The following DYM variants were observed in gnomAD, a reference collection of about 807,000 sequenced individuals.
DYM encodes the protein dymeclin.
In DYM, 78 loss-of-function variants were observed where a neutral mutation model predicts 93.1. The ratio of observed to expected loss-of-function variants is 0.84; its 90% confidence interval spans 0.70 to 1.01. The LOEUF (loss-of-function observed/expected upper bound fraction) is 1.01. DYM is among the 50% of genes least tolerant of loss of function. The pLI is 0.00. For synonymous variants in DYM, 321 were observed against 319.7 expected (o/e 1.00, Z -0.04); for missense variants, 789 against 845.0 (o/e 0.93, Z 0.82).
At chr18:49,395,436 C>T (rs1029788233) in intron 2 of DYM, among the ~76,000 whole-genome samples, 1 of 151,996 alleles carries the variant, frequency 6.6e-6, no homozygotes, top group Non-Finnish European at 1.5e-5. Flanking sequence ...TCAAGACCAG[C>T]CTGACCAACA....
At chr18:49,372,914 T>C (rs1256605578) in intron 5 of DYM, among the ~76,000 whole-genome samples, 1 of 152,084 alleles carries the variant, frequency 6.6e-6, no homozygotes, top group East Asian at 1.9e-4. Flanking sequence ...GATAACCATC[T>C]TGATAAAGTG....
chr18:49,151,513 C>T (rs919145395), intron 15 of DYM, among the ~76,000 whole-genome samples: 1 of 152,086 alleles, frequency 6.6e-6, no homozygotes, highest in Non-Finnish European at 1.5e-5. Flanking sequence ...TAATAAGATA[C>T]CAGCTTAAAA....
intron 17 of DYM, among the ~76,000 whole-genome samples, chr18:49,087,624 G>A (rs903636992): frequency 2.0e-5 from 3 of 152,174 alleles, no homozygotes; most frequent in Non-Finnish European, 2.9e-5. Flanking sequence ...AATGCTTTGG[G>A]TATATACCCA....
At chr18:49,454,862 C>T (rs917794655) in intron 1 of DYM, among the ~76,000 whole-genome samples, 8 of 146,534 alleles carry the variant, frequency 5.5e-5, no homozygotes, top group African/African-American at 1.8e-4. Context: ...GAGCCGAGAT[C>T]GCGCCACTGC....
At chr18:49,101,943 G>A (rs1055817113) in intron 16 of DYM, among the ~76,000 whole-genome samples, 10 of 152,176 alleles carry the variant, frequency 6.6e-5, no homozygotes, top group Non-Finnish European at 1.5e-4. Flanking sequence ...GCTTACATTT[G>A]AGTCTTGCCT....
chr18:49,100,962 T>C (rs1372839822), intron 16 of DYM, among the ~76,000 whole-genome samples: 1 of 152,240 alleles, frequency 6.6e-6, no homozygotes, highest in Admixed American at 6.5e-5. Context: ...GTGTAAGTTG[T>C]TCAGCCAAAC....
intron 11 of DYM, among the ~76,000 whole-genome samples, chr18:49,267,174 A>G (rs1285763482): frequency 1.3e-5 from 2 of 150,596 alleles, no homozygotes; most frequent in Non-Finnish European, 3.0e-5. Flanking sequence ...CTCTATGGCT[A>G]GTACAGACAT....
In DYM at chr18:49,044,034, G is replaced by A. The variant is rs200735042; in HGVS notation, c.*21C>T. 1.3e-4 allele frequency: 216 copies of A among 1,612,470 alleles called. 3 individuals are homozygous for A. The South Asian group carries it at 1.6e-3, about 12-fold the overall frequency. On this transcript the variant is annotated 3_prime_UTR_variant, in exon 18 of 18. Transcript: ENST00000675505. ...AAGGGCTGCTTGGCTGGAGGGGTCC[G>A]GGTGGGAGAGCATCCTGCCCTCAGT...
chr18:49,115,767 C>T (rs1288193630), intron 16 of DYM, among the ~76,000 whole-genome samples: 1 of 152,146 alleles, frequency 6.6e-6, no homozygotes, highest in East Asian at 1.9e-4. Context: ...TATTACAGTG[C>T]CCATTCTTGG....
At chr18:49,148,309 T>C (rs2085396202) in intron 15 of DYM, among the ~76,000 whole-genome samples, 1 of 151,926 alleles carries the variant, frequency 6.6e-6, no homozygotes, top group African/African-American at 2.4e-5. Context: ...AACCTGCATG[T>C]TGTGCACATG....
chr18:49,252,705 A>G (rs2094316241), intron 13 of DYM, among the ~76,000 whole-genome samples: 1 of 152,218 alleles, frequency 6.6e-6, no homozygotes, highest in South Asian at 2.1e-4. Context: ...ACTAGAGAAA[A>G]CTACCTGTTA....
At chr18:49,245,914 C>T (rs899166611) in intron 13 of DYM, among the ~76,000 whole-genome samples, 13 of 152,202 alleles carry the variant, frequency 8.5e-5, no homozygotes, top group East Asian at 1.9e-4. Context: ...TCAGACCAGC[C>T]GACACTTAGG....
intron 15 of DYM, among the ~76,000 whole-genome samples, chr18:49,144,434 G>A (rs1386397597): frequency 6.6e-6 from 1 of 152,066 alleles, no homozygotes; most frequent in Admixed American, 6.6e-5. Flanking sequence ...CTACTAATTA[G>A]GGTTTGCAAA....
intron 6 of DYM, among the ~76,000 whole-genome samples, chr18:49,358,486 C>T (rs1334119794): frequency 6.6e-6 from 1 of 152,200 alleles, no homozygotes; most frequent in Non-Finnish European, 1.5e-5. Context: ...TAGATACACA[C>T]TCCCTGAAAA....
At chr18:49,411,366 A>C (rs1312931622) in intron 2 of DYM, among the ~76,000 whole-genome samples, 1 of 152,204 alleles carries the variant, frequency 6.6e-6, no homozygotes, top group African/African-American at 2.4e-5. Context: ...ATTGGAAGAA[A>C]ACAAAATTTT....
intron 6 of DYM, among the ~76,000 whole-genome samples, chr18:49,362,095 C>T (rs1192983200): frequency 1.3e-5 from 2 of 151,234 alleles, no homozygotes; most frequent in African/African-American, 4.9e-5. Flanking sequence ...CCAACTCCTG[C>T]ATCCAAACAA....
At chr18:49,161,948 A>G (rs1354501417) in intron 15 of DYM, among the ~76,000 whole-genome samples, 1 of 152,240 alleles carries the variant, frequency 6.6e-6, no homozygotes, top group Non-Finnish European at 1.5e-5. Context: ...ACTCAGAACT[A>G]AAGAGTTCTC....
intron 8 of DYM, among the ~76,000 whole-genome samples, chr18:49,316,475 T>C (rs1363139755): frequency 6.6e-6 from 1 of 152,192 alleles, no homozygotes; most frequent in Non-Finnish European, 1.5e-5. Flanking sequence ...CGTAAAAAGA[T>C]GTTTTACTGC....
At chr18:49,080,585 G>A (rs1483588195) in intron 17 of DYM, among the ~76,000 whole-genome samples, 9 of 136,930 alleles carry the variant, frequency 6.6e-5, no homozygotes, top group African/African-American at 8.5e-5. Context: ...CTGGCCGGGC[G>A]GGGGCTGACC....
Sources: allele counts gnomAD v4.1 joint callset (sites outside exome capture counted in the v4.1 genomes callset), GRCh38; gene constraint gnomAD v4.1.1; transcripts MANE v1.5; gene names NCBI Gene and HGNC (gene_info 2026-07-23, HGNC 2026-07-21).